Variants in TAFA5 observed in about 807,000 individuals in gnomAD.
TAFA5 encodes the protein TAFA chemokine like family member 5.
Under a neutral mutation model 15.3 loss-of-function variants are expected in TAFA5, and 6 were observed. The ratio of observed to expected loss-of-function variants is 0.39; its 90% CI spans 0.21 to 0.77. TAFA5 has a LOEUF of 0.77. Among genes scored for constraint, TAFA5 ranks in the 30% least tolerant of loss-of-function variants. The pLI is 0.41. For synonymous variants in TAFA5, 103 were observed against 80.7 expected (o/e 1.28, Z -1.48); for missense variants, 161 against 193.1 (o/e 0.83, Z 0.98).
At chr22:48,568,019 T>A (rs1354345539) in intron 1 of TAFA5, among the ~76,000 whole-genome samples, 1 of 152,180 alleles carries the variant, frequency 6.6e-6, no homozygotes, top group Non-Finnish European at 1.5e-5. Context: ...TTCAGTCCCA[T>A]CTAGGGGACA....
intron 1 of TAFA5, among the ~76,000 whole-genome samples, chr22:48,557,580 G>A (rs901349462): frequency 3.9e-5 from 6 of 152,222 alleles, no homozygotes; most frequent in Non-Finnish European, 8.8e-5. Flanking sequence ...GAGGCTGAGT[G>A]GGAGCCTGGT....
At chr22:48,542,652 T>TGA (rs1922492704) in intron 1 of TAFA5, among the ~76,000 whole-genome samples, 1 of 125,914 alleles carries the variant, frequency 7.9e-6, no homozygotes, top group Non-Finnish European at 1.7e-5. Context: ...GTGTGTGTGG[T>TGA]GTGTGTGTGG....
At chr22:48,534,863 C>T (rs1176121853) in intron 1 of TAFA5, among the ~76,000 whole-genome samples, 5 of 151,994 alleles carry the variant, frequency 3.3e-5, no homozygotes, top group East Asian at 1.9e-4. Flanking sequence ...GAGGCTTGGC[C>T]GTGGAGGGAT....
chr22:48,717,974 G>A (rs1929452796), intron 3 of TAFA5, among the ~76,000 whole-genome samples: 3 of 152,228 alleles, frequency 2.0e-5, no homozygotes, highest in Admixed American at 2.0e-4. Flanking sequence ...CCTGCGTGTG[G>A]TGGGGGAGGA....
chr22:48,507,211 G>A (rs11090848), intron 1 of TAFA5, among the ~76,000 whole-genome samples: 24,575 of 126,294 alleles, frequency 0.19, 3,166 homozygotes, highest in African/African-American at 0.42. Flanking sequence ...AGGGCCAGGT[G>A]TGCAGTTGGA....
rs1922888573 is a variant in TAFA5 at position 48,552,438 on chromosome 22, G to A, written c.112+62734G>A. Among the ~76,000 whole-genome samples the A allele has an allele frequency of 6.6e-6, 1 of 152,142 alleles. No homozygotes were observed. Among genetic ancestry groups the A allele is most frequent in the African/African-American group, 2.4e-5 (1 of 41,428 alleles). ...GCTGCTGGCTGACTCTGTCAGCGCT[G>A]CCTGCTGTGGGAAGCCCTTATGAGC... On this transcript the variant is annotated intron_variant, in intron 1 of 3. Coordinates refer to ENST00000402357, the MANE Select transcript of TAFA5 (RefSeq NM_001082967.3). The surrounding 1 kb of genome is among the most constrained non-coding windows in gnomAD (Gnocchi z 4.1).
intron 2 of TAFA5, among the ~76,000 whole-genome samples, chr22:48,672,490 G>A (rs909532040): frequency 1.3e-5 from 2 of 152,184 alleles, no homozygotes; most frequent in African/African-American, 2.4e-5. Context: ...AGAAGTTGCC[G>A]CATATCAGAT....
At chr22:48,708,723 G>A (rs935839800) in intron 3 of TAFA5, among the ~76,000 whole-genome samples, 13 of 152,204 alleles carry the variant, frequency 8.5e-5, no homozygotes, top group African/African-American at 3.1e-4. Context: ...CGGGCTCCAC[G>A]CTCTGGGAAT....
chr22:48,492,875 G>T (rs775664829), intron 1 of TAFA5, among the ~76,000 whole-genome samples: 5 of 152,188 alleles, frequency 3.3e-5, no homozygotes, highest in Non-Finnish European at 5.9e-5. Context: ...CTCTCTGGGT[G>T]TGGCTTAAAA....
At chr22:48,641,255 A>G (rs564876308) in intron 1 of TAFA5, among the ~76,000 whole-genome samples, 10 of 152,226 alleles carry the variant, frequency 6.6e-5, no homozygotes, top group African/African-American at 2.2e-4. Context: ...TTCTTTCCAC[A>G]GAAGGGGGTC....
In TAFA5 at chr22:48,550,604, C is replaced by T. The variant is rs964368158; in HGVS notation, c.112+60900C>T. On this transcript the variant is annotated intron_variant, in intron 1 of 3. Coordinates refer to ENST00000402357, the MANE Select transcript of TAFA5 (RefSeq NM_001082967.3). This position sits in a 1 kb window ranked among gnomAD's most constrained non-coding sequence, Gnocchi z 4.1. ...TCCCACGGTTCCTAGCAGGTTCCAT[C>T]GCCTTCCGCACTTGATGCTGCTGGA... Among the ~76,000 whole-genome samples, 5 of 152,156 alleles carry T rather than the reference C, an allele frequency of 3.3e-5. No homozygotes were observed. Among genetic ancestry groups the T allele is most frequent in the South Asian group, 2.1e-4 (1 of 4,830 alleles).
chr22:48,727,092 C>T (rs1479135031), intron 3 of TAFA5, among the ~76,000 whole-genome samples: 6 of 152,052 alleles, frequency 3.9e-5, no homozygotes, highest in Non-Finnish European at 8.8e-5. Flanking sequence ...GCACTCAAGT[C>T]AATCAGGAAA....
chr22:48,518,318 C>T (rs1200860904), intron 1 of TAFA5, among the ~76,000 whole-genome samples: 1 of 152,154 alleles, frequency 6.6e-6, no homozygotes, highest in Non-Finnish European at 1.5e-5. Context: ...GAGAATAAGG[C>T]GCTCTGCCCC....
intron 1 of TAFA5, among the ~76,000 whole-genome samples, chr22:48,528,673 T>C (rs150050009): frequency 2.0e-5 from 3 of 152,296 alleles, no homozygotes; most frequent in African/African-American, 4.8e-5. Flanking sequence ...AACAAAGACA[T>C]AGTGTGAGTA....
At chr22:48,681,118 A>G (rs534534375) in intron 2 of TAFA5, among the ~76,000 whole-genome samples, 1 of 152,368 alleles carries the variant, frequency 6.6e-6, no homozygotes, top group South Asian at 2.1e-4. Context: ...TGCAGCATGC[A>G]GCACTCGGAG....
intron 1 of TAFA5, among the ~76,000 whole-genome samples, chr22:48,548,121 G>A (rs916705129): frequency 6.6e-6 from 1 of 152,174 alleles, no homozygotes; most frequent in Non-Finnish European, 1.5e-5. Context: ...AGCTTCAGGC[G>A]CAGGAGGCCC....
intron 3 of TAFA5, among the ~76,000 whole-genome samples, chr22:48,732,757 T>G (rs1043376553): frequency 6.6e-6 from 1 of 152,196 alleles, no homozygotes; most frequent in African/African-American, 2.4e-5. Context: ...GAGAACTCTT[T>G]CATGAAAGGA....
At chr22:48,660,491 A>G (rs1927397471) in intron 2 of TAFA5, among the ~76,000 whole-genome samples, 1 of 151,658 alleles carries the variant, frequency 6.6e-6, no homozygotes, top group Non-Finnish European at 1.5e-5. Context: ...GAACTTAAAA[A>G]CTCTTTACAC....
intron 1 of TAFA5, among the ~76,000 whole-genome samples, chr22:48,568,236 G>A (rs1228468829): frequency 6.6e-6 from 1 of 152,208 alleles, no homozygotes; most frequent in South Asian, 2.1e-4. Context: ...CCTGGCCTGC[G>A]CCTCCATCTT....
Sources: allele counts gnomAD v4.1 joint callset (sites outside exome capture counted in the v4.1 genomes callset), GRCh38; gene constraint gnomAD v4.1.1; non-coding constraint Gnocchi (gnomAD v3.1); transcripts MANE v1.5; gene names NCBI Gene and HGNC (gene_info 2026-07-23, HGNC 2026-07-21).